Variants in SOHLH2 observed in about 807,000 individuals in gnomAD.
The protein encoded by SOHLH2 is spermatogenesis and oogenesis specific basic helix-loop-helix 2, also known as spermatogenesis- and oogenesis-specific basic helix-loop-helix-containing protein 2.
A neutral mutation model predicts 50.4 loss-of-function variants in SOHLH2; 22 were observed. The ratio of observed to expected loss-of-function variants is 0.44; its 90% CI spans 0.31 to 0.62. The LOEUF (loss-of-function observed/expected upper bound fraction) is 0.62. Ranked by LOEUF, SOHLH2 falls within the 20% of genes least tolerant of loss-of-function variation. The pLI, the probability that SOHLH2 is intolerant of heterozygous loss-of-function variation, is 0.08. For synonymous variants in SOHLH2, 185 were observed against 187.3 expected, an observed-to-expected ratio of 0.99 and a Z score of 0.10; for missense variants, 412 against 504.4, an observed-to-expected ratio of 0.82 and a Z score of 1.76.
Position 36,193,641 on chromosome 13 carries a change from G to T in SOHLH2, c.410C>A (p.Thr137Lys). 2 of 1,609,370 alleles carry T rather than the reference G, an allele frequency of 1.2e-6. No individual in the cohort carries two copies. The highest frequency in any genetic ancestry group is 1.7e-6 in the Non-Finnish European group (2 of 1,178,950). ...CTCACCAGTGTTTGAGGGACATGTTGTCCAGTATTTTACCACATTACTCAT... is the reference window on the plus strand; with the variant it reads ...CTCACCAGTGTTTGAGGGACATGTTTTCCAGTATTTTACCACATTACTCAT... The part of the protein sequence containing the change: ...EKMSNVVKYW[T>K]TCPSNTVKTE... Residue 137 changes from threonine to lysine, a missense_variant, in exon 4 of 11, where the codon ACA becomes AAA. By Grantham distance (78) the Thr-to-Lys change is moderately conservative. Transcript: ENST00000379881.
intron 6 of SOHLH2, among the ~76,000 whole-genome samples, chr13:36,178,712 T>C (rs972508914): frequency 6.6e-6 from 1 of 152,140 alleles, no homozygotes; most frequent in African/African-American, 2.4e-5. Context: ...AGAACTGAGA[T>C]CTTAACAATA....
At chr13:36,204,675 C>T (rs1226845909) in intron 1 of SOHLH2, among the ~76,000 whole-genome samples, 3 of 152,072 alleles carry the variant, frequency 2.0e-5, no homozygotes, top group Non-Finnish European at 2.9e-5. Context: ...TACCACACTG[C>T]TTAATTACTA....
Position 36,168,870 on chromosome 13 carries a change from T to A in SOHLH2, c.*164A>T. Reference sequence around the variant, plus strand: ...AGCTTTTTCGCTGCTGGTCTTTCTATCTGCAGAAGCTTTGAGTGCATTTAT... The same window carrying A: ...AGCTTTTTCGCTGCTGGTCTTTCTAACTGCAGAAGCTTTGAGTGCATTTAT... On this transcript the variant is annotated 3_prime_UTR_variant, in exon 11 of 11. Transcript: ENST00000379881. 1.6e-6 allele frequency: 2 copies of A among 1,213,590 alleles called. No individual in the cohort carries two copies. The highest frequency in any genetic ancestry group is 1.1e-6 in the Non-Finnish European group (1 of 918,056). 75.2% of individuals were successfully genotyped at this position (1,213,590 alleles called of 1,614,324 possible).
chr13:36,189,248 T>G (rs1353879433), intron 6 of SOHLH2, among the ~76,000 whole-genome samples: 1 of 152,156 alleles, frequency 6.6e-6, no homozygotes, highest in East Asian at 1.9e-4. Context: ...GAGTGTTCAT[T>G]CTAAGGTATA....
chr13:36,214,222 G>A (rs545557566), intron 1 of SOHLH2, among the ~76,000 whole-genome samples: 16 of 151,990 alleles, frequency 1.1e-4, no homozygotes, highest in Non-Finnish European at 1.9e-4. Context: ...AATCAGCCCC[G>A]TCCCCCAACC....
At chr13:36,209,872 C>T (rs1041414165) in intron 1 of SOHLH2, among the ~76,000 whole-genome samples, 2 of 152,174 alleles carry the variant, frequency 1.3e-5, no homozygotes, top group African/African-American at 4.8e-5. Context: ...CAGTGGGGGC[C>T]TCCTTTAATG....
chr13:36,188,849 C>T (rs7995669), intron 6 of SOHLH2, among the ~76,000 whole-genome samples: 122,913 of 152,140 alleles, frequency 0.81, 49,959 homozygotes, highest in East Asian at 1. Flanking sequence ...CCTATGTCCA[C>T]TGCTTCAAAG....
chr13:36,182,302 A>G (rs1392266623), intron 6 of SOHLH2: 94 of 985,060 alleles, frequency 9.5e-5, no homozygotes, highest in Non-Finnish European at 1.1e-4. Flanking sequence ...GGTTAAAAAG[A>G]TAAGAGTTAA....
At chr13:36,201,633 A>G (rs1043459598) in intron 2 of SOHLH2, among the ~76,000 whole-genome samples, 1 of 152,070 alleles carries the variant, frequency 6.6e-6, no homozygotes, top group Non-Finnish European at 1.5e-5. Flanking sequence ...TGCCCGGCTA[A>G]TTTTTTAAAA....
chr13:36,185,937 T>A (rs996662099), intron 6 of SOHLH2, among the ~76,000 whole-genome samples: 5 of 152,062 alleles, frequency 3.3e-5, no homozygotes, highest in Non-Finnish European at 7.3e-5. Context: ...CTATCAAACA[T>A]AACATTTCTA....
At chr13:36,169,983 G>A (rs76681839) in intron 10 of SOHLH2, among the ~76,000 whole-genome samples, 1 of 152,304 alleles carries the variant, frequency 6.6e-6, no homozygotes, top group African/African-American at 2.4e-5. Context: ...CAGGGATCGT[G>A]TCTACCTTTG....
chr13:36,203,044 G>A (rs987269785), intron 1 of SOHLH2, among the ~76,000 whole-genome samples: 5 of 152,112 alleles, frequency 3.3e-5, no homozygotes, highest in African/African-American at 1.2e-4. Context: ...CAAAGCTTTG[G>A]CACTTCCACC....
At chr13:36,169,100 C>A (rs1387759356) in intron 10 of SOHLH2, 46 bp from the exon 11 acceptor site, 1 of 1,584,548 alleles carries the variant, frequency 6.3e-7, no homozygotes. Context: ...TCCTCACCCA[C>A]TCTTACTCAT....
At chr13:36,183,111 C>A in intron 6 of SOHLH2, 3 of 330,268 alleles carry the variant, frequency 9.1e-6, no homozygotes, top group South Asian at 5.0e-5. Flanking sequence ...TGCTATGTGA[C>A]ACATTGGCTC....
intron 6 of SOHLH2, among the ~76,000 whole-genome samples, chr13:36,177,156 A>ATAAATAAAATCTTACAGCATG (rs1887117806): frequency 6.6e-6 from 1 of 152,112 alleles, no homozygotes; most frequent in Admixed American, 6.5e-5. Flanking sequence ...CAAATAGCAT[A>ATAAATAAAATCTTACAGCATG]TAAATAAAAT....
chr13:36,174,892 T>C (rs1360837915), intron 6 of SOHLH2, 23 bp from the exon 7 acceptor site: 2 of 1,551,138 alleles, frequency 1.3e-6, no homozygotes, highest in Non-Finnish European at 1.7e-6. Flanking sequence ...TTGCAATACA[T>C]AAAGAATAAT....
At chr13:36,169,337 T>C (rs1000926898) in intron 10 of SOHLH2, among the ~76,000 whole-genome samples, 2 of 152,232 alleles carry the variant, frequency 1.3e-5, no homozygotes, top group Non-Finnish European at 2.9e-5. Context: ...GCCTTCCTAT[T>C]GGAATACTAA....
Position 36,193,753 on chromosome 13 carries a change from CT to C in SOHLH2, c.326-29del, listed in dbSNP as rs1887643303. 1.9e-6 allele frequency: 3 copies of C among 1,603,830 alleles called. No individual in the cohort carries two copies. The South Asian group carries it at 3.4e-5, about 18-fold the overall frequency. ...AAGAATCTTTATATTAAATATTGAC[CT>C]TATAGTTTCTATTTAGAGAAAAAAC... On this transcript the variant is annotated intron_variant, in intron 3 of 10. Coordinates refer to ENST00000379881, the MANE Select transcript of SOHLH2 (RefSeq NM_017826.3).
At chr13:36,211,640 C>T (rs1869131154) in intron 1 of SOHLH2, among the ~76,000 whole-genome samples, 2 of 152,234 alleles carry the variant, frequency 1.3e-5, no homozygotes, top group Non-Finnish European at 2.9e-5. Flanking sequence ...GACCACAGTC[C>T]TGTCACTTAG....
Sources: allele counts gnomAD v4.1 joint callset (sites outside exome capture counted in the v4.1 genomes callset), GRCh38; gene constraint gnomAD v4.1.1; transcripts MANE v1.5; gene names NCBI Gene and HGNC (gene_info 2026-07-23, HGNC 2026-07-21).